EGFR: variants seen among roughly 807,000 people sequenced by gnomAD.
The protein encoded by EGFR is avian erythroblastic leukemia viral (v-erb-b) oncogene homolog.
Under a neutral mutation model 143.0 loss-of-function variants are expected in EGFR, and 58 were observed. The ratio of observed to expected loss-of-function variants is 0.41; its 90% CI spans 0.33 to 0.50. The LOEUF (loss-of-function observed/expected upper bound fraction) is 0.50. EGFR is among the 20% of genes least tolerant of loss of function. The pLI, the probability that EGFR is intolerant of heterozygous loss-of-function variation, is 0.39. For missense variants in EGFR, 1,307 were observed against 1,579.0 expected (o/e 0.83, Z 2.92); for synonymous variants, 613 against 594.4 (o/e 1.03, Z -0.45).
chr7:55,057,458 A>G (rs1057035805), intron 1 of EGFR, among the ~76,000 whole-genome samples: 1 of 152,166 alleles, frequency 6.6e-6, no homozygotes, highest in Admixed American at 6.5e-5. Context: ...ATTTCTTGAT[A>G]ATGTTAAATA....
chr7:55,142,833 C>T (rs1461387090), intron 2 of EGFR, among the ~76,000 whole-genome samples: 3 of 152,182 alleles, frequency 2.0e-5, no homozygotes, highest in African/African-American at 7.2e-5. Context: ...CTCAGCTGGT[C>T]ACAGAATTCT....
chr7:55,055,625 C>T (rs1227348728), intron 1 of EGFR, among the ~76,000 whole-genome samples: 5 of 151,908 alleles, frequency 3.3e-5, no homozygotes, highest in East Asian at 3.9e-4. Flanking sequence ...AGTCCTTCTA[C>T]GAACTGACTC....
At chr7:55,097,651 T>C (rs763141473) in intron 1 of EGFR, among the ~76,000 whole-genome samples, 2 of 152,204 alleles carry the variant, frequency 1.3e-5, no homozygotes, top group Non-Finnish European at 2.9e-5. Flanking sequence ...TGTACCTGAT[T>C]TCTATAAGAC....
At position 55,157,026 on chromosome 7, in the gene EGFR, G is replaced by A. The variant is rs1349699259; in HGVS notation, c.1207+194G>A. The A allele has an allele frequency of 7.2e-6, 10 of 1,385,824 alleles. 1 individual carries two copies. In the East Asian group the frequency reaches 2.3e-4, roughly 32 times the overall value. The allele number at this position is 1,385,824 out of a possible 1,614,324, so 85.8% of individuals were successfully genotyped here. A position where few individuals can be genotyped will look rare whatever the true frequency, so the allele number is the denominator to read the frequency against. ...AAGGGGACACGTTAAGTCCAGGCTT[G>A]GGTCATTCACTGCGGTGTAAACACG... On this transcript the variant is annotated intron_variant, in intron 10 of 27. Coordinates refer to ENST00000275493, the MANE Select transcript of EGFR (RefSeq NM_005228.5).
At chr7:55,037,241 TC>T (rs1787638961) in intron 1 of EGFR, among the ~76,000 whole-genome samples, 1 of 152,198 alleles carries the variant, frequency 6.6e-6, no homozygotes, top group South Asian at 2.1e-4. Context: ...TAGGCATGTG[TC>T]AAATGTCTAC....
intron 1 of EGFR, among the ~76,000 whole-genome samples, chr7:55,113,275 G>A (rs562345752): frequency 2.6e-5 from 4 of 152,296 alleles, no homozygotes; most frequent in South Asian, 4.1e-4. Context: ...CCTCATGGTC[G>A]TGTTGACTGT....
At chr7:55,046,692 C>T (rs1247671962) in intron 1 of EGFR, among the ~76,000 whole-genome samples, 3 of 152,270 alleles carry the variant, frequency 2.0e-5, no homozygotes, top group South Asian at 2.1e-4. Context: ...TTGGAAAGTC[C>T]TGCAATACAG....
chr7:55,116,375 T>C (rs998209868), intron 1 of EGFR, among the ~76,000 whole-genome samples: 5 of 152,298 alleles, frequency 3.3e-5, no homozygotes, highest in Admixed American at 3.3e-4. Context: ...TTTGCACCTC[T>C]CATTTATGTA....
chr7:55,124,996 C>T (rs1400151985), intron 1 of EGFR, among the ~76,000 whole-genome samples: 1 of 152,250 alleles, frequency 6.6e-6, no homozygotes, highest in Non-Finnish European at 1.5e-5. Flanking sequence ...GTTCAGCATA[C>T]ATGAGCGTCA....
At chr7:55,119,087 AG>A (rs1793047442) in intron 1 of EGFR, 1 of 152,222 alleles carries the variant, frequency 6.6e-6, no homozygotes, top group Non-Finnish European at 1.5e-5. Flanking sequence ...CCTGGCAAGA[AG>A]AGGAAGGCAT....
intron 27 of EGFR, among the ~76,000 whole-genome samples, chr7:55,205,037 G>A (rs960866555): frequency 1.3e-5 from 2 of 152,036 alleles, no homozygotes; most frequent in African/African-American, 4.8e-5. Context: ...TATCCTCTGA[G>A]AACTTTAAAT....
chr7:55,113,945 G>A (rs750751072), intron 1 of EGFR, among the ~76,000 whole-genome samples: 12 of 152,174 alleles, frequency 7.9e-5, no homozygotes, highest in East Asian at 1.9e-4. Flanking sequence ...TGATGGGCAC[G>A]GCCATGGTGG....
intron 1 of EGFR, among the ~76,000 whole-genome samples, chr7:55,077,110 T>G (rs943782184): frequency 6.6e-6 from 1 of 152,140 alleles, no homozygotes; most frequent in Non-Finnish European, 1.5e-5. Flanking sequence ...AATGTCTTCA[T>G]GAGGTCAATT....
intron 20 of EGFR, among the ~76,000 whole-genome samples, chr7:55,191,230 C>T (rs1787379396): frequency 6.6e-6 from 1 of 152,120 alleles, no homozygotes; most frequent in African/African-American, 2.4e-5. Flanking sequence ...AAAAGTAAAA[C>T]AGGACAAAAA....
chr7:55,120,114 G>A (rs1005101014), intron 1 of EGFR, among the ~76,000 whole-genome samples: 2 of 152,220 alleles, frequency 1.3e-5, no homozygotes, highest in Non-Finnish European at 1.5e-5. Flanking sequence ...GCCAGGACAA[G>A]CTACTCTTTT....
chr7:55,146,166 C>G (rs1487992060), intron 3 of EGFR, among the ~76,000 whole-genome samples: 1 of 151,994 alleles, frequency 6.6e-6, no homozygotes, highest in Admixed American at 6.6e-5. Context: ...CCTGGGCATG[C>G]AAGGTGGAGC....
rs1794960885 is a variant in EGFR at position 55,150,208 on chromosome 7, G to A, written c.560-1086G>A. ...AATTTGAAAATTATATGTGAGTACA[G>A]GGTAAAAAGTTGAAAGAATGGGATT... On this transcript the variant is annotated intron_variant, in intron 4 of 27. Transcript: ENST00000275493. 2.0e-5 allele frequency among the ~76,000 whole-genome samples: 3 copies of A among 152,210 alleles called. No homozygotes were observed. In the South Asian group the frequency reaches 6.2e-4, roughly 31 times the overall value.
At position 55,205,293 on chromosome 7, in the gene EGFR, C is replaced by T. The variant is rs750567851; in HGVS notation, c.3309C>T (p.Gly1103=). ...INQSVPKRPA[G]SVQNPVYHNQ... The stretch of plus-strand genomic sequence containing the variant: ...AGTCCGTTCCCAAAAGGCCCGCTGG[C>T]TCTGTGCAGAATCCTGTCTATCACA... The change falls in exon 28 of 28, where the codon GGC becomes GGT. Residue 1103 remains glycine (G), a synonymous_variant. Coordinates refer to ENST00000275493, the MANE Select transcript of EGFR (RefSeq NM_005228.5). The T allele has an allele frequency of 5.6e-6, 9 of 1,612,578 alleles. No homozygotes were observed. Among genetic ancestry groups the T allele is most frequent in the Non-Finnish European group, 7.6e-6 (9 of 1,179,360 alleles).
At position 55,155,924 on chromosome 7, in the gene EGFR, G is replaced by A; in HGVS notation, c.984G>A (p.Lys328=). The A allele has an allele frequency of 6.2e-7, 1 of 1,614,020 alleles. No homozygotes were observed. The highest frequency in any genetic ancestry group is 8.5e-7 in the Non-Finnish European group (1 of 1,179,972). ...MEEDGVRKCK[K]CEGPCRKVCN... ...AAGACGGCGTCCGCAAGTGTAAGAA[G>A]TGCGAAGGGCCTTGCCGCAAAGGTA... The change falls in exon 8 of 28, where the codon AAG becomes AAA. Residue 328 remains lysine, a synonymous_variant. Coordinates refer to ENST00000275493, the MANE Select transcript of EGFR (RefSeq NM_005228.5).
Sources: allele counts gnomAD v4.1 joint callset (sites outside exome capture counted in the v4.1 genomes callset), GRCh38; gene constraint gnomAD v4.1.1; transcripts MANE v1.5; gene names NCBI Gene and HGNC (gene_info 2026-07-23, HGNC 2026-07-21).